The following SNCAIP variants were observed in gnomAD, a reference collection of about 807,000 sequenced individuals.
SNCAIP encodes the protein synphilin-1.
In SNCAIP, 43 loss-of-function variants were observed where a neutral mutation model predicts 86.7. That is an observed-to-expected ratio of 0.50 (90% CI 0.39 to 0.64). The LOEUF (loss-of-function observed/expected upper bound fraction) is 0.64, where lower values mean the gene tolerates loss of function less well. Among genes scored for constraint, SNCAIP ranks in the 30% least tolerant of loss-of-function variants. The pLI is 0.00. For missense variants in SNCAIP, 981 were observed against 1,103.1 expected, an observed-to-expected ratio of 0.89 and a Z score of 1.57; for synonymous variants, 417 against 427.2, an observed-to-expected ratio of 0.98 and a Z score of 0.29.
At chr5:122,385,426 A>G (rs1420354385) in intron 1 of SNCAIP, among the ~76,000 whole-genome samples, 2 of 152,168 alleles carry the variant, frequency 1.3e-5, no homozygotes, top group Non-Finnish European at 2.9e-5. Flanking sequence ...ACTGACTGCC[A>G]TGCTTCTGGC....
chr5:122,418,116 T>A (rs2152915674), intron 3 of SNCAIP, among the ~76,000 whole-genome samples: 1 of 152,250 alleles, frequency 6.6e-6, no homozygotes, highest in South Asian at 2.1e-4. Flanking sequence ...TAAGCTTAAA[T>A]GCAGGGAGAG....
intron 1 of SNCAIP, among the ~76,000 whole-genome samples, chr5:122,364,912 T>A (rs1158211359): frequency 2.0e-5 from 3 of 152,194 alleles, no homozygotes; most frequent in African/African-American, 7.2e-5. Flanking sequence ...TAATCCTAAA[T>A]TTTTAAAATA....
At chr5:122,398,442 G>C (rs1771085734) in intron 2 of SNCAIP, among the ~76,000 whole-genome samples, 1 of 152,150 alleles carries the variant, frequency 6.6e-6, no homozygotes, top group South Asian at 2.1e-4. Context: ...CTTTAGAGGG[G>C]AGGCTAAAAT....
chr5:122,424,803 A>G (rs1777046204), intron 4 of SNCAIP, among the ~76,000 whole-genome samples: 1 of 152,284 alleles, frequency 6.6e-6, no homozygotes, highest in South Asian at 2.1e-4. Flanking sequence ...TTCACTAGAG[A>G]TGAGAAACCA....
chr5:122,377,175 A>G (rs1378911227), intron 1 of SNCAIP, among the ~76,000 whole-genome samples: 1 of 152,128 alleles, frequency 6.6e-6, no homozygotes, highest in Non-Finnish European at 1.5e-5. Context: ...CTCTTCACCA[A>G]GTTAGAAATT....
intron 7 of SNCAIP, 43 bp from the exon 8 acceptor site, chr5:122,444,520 G>A (rs906614048): frequency 7.7e-6 from 12 of 1,563,030 alleles, no homozygotes; most frequent in Middle Eastern, 1.7e-4. Context: ...AAAATAATGT[G>A]TACAGAGATG....
In SNCAIP at chr5:122,360,203, T is replaced by C. The variant is rs1001338794; in HGVS notation, c.-46-30886T>C. Among the ~76,000 whole-genome samples, 86 of 152,330 alleles carry C rather than the reference T, an allele frequency of 5.6e-4. 1 individual carries two copies. The highest frequency in any genetic ancestry group is 2.0e-3 in the African/African-American group (82 of 41,572). Reference sequence around the variant, plus strand: ...AAGTATTCCTAAACGTTTCGGAACATGGCCAGCCTTTTTGCTCTAAAGATT... The same window carrying C: ...AAGTATTCCTAAACGTTTCGGAACACGGCCAGCCTTTTTGCTCTAAAGATT... On this transcript the variant is annotated intron_variant, in intron 1 of 10. Transcript: ENST00000261368.
At chr5:122,388,107 C>T (rs1045596942) in intron 1 of SNCAIP, among the ~76,000 whole-genome samples, 1 of 152,140 alleles carries the variant, frequency 6.6e-6, no homozygotes, top group African/African-American at 2.4e-5. Flanking sequence ...GCACAGGCCC[C>T]ATGGACAGGT....
At chr5:122,393,150 C>T (rs1769796516) in intron 2 of SNCAIP, among the ~76,000 whole-genome samples, 1 of 152,218 alleles carries the variant, frequency 6.6e-6, no homozygotes, top group South Asian at 2.1e-4. Flanking sequence ...TGTGTAACTG[C>T]ACCCAAAATT....
Position 122,346,680 on chromosome 5 carries a change from C to T in SNCAIP, c.-47+34396C>T, listed in dbSNP as rs575887217. On this transcript the variant is annotated intron_variant, in intron 1 of 10. Coordinates refer to ENST00000261368, the MANE Select transcript of SNCAIP (RefSeq NM_005460.4). ...TTAGGGATAAGCTAGACAGCTAAAT[C>T]GGTAGACACTTAGTATATATCTTCC... Among the ~76,000 whole-genome samples the T allele has an allele frequency of 8.6e-5, 13 of 151,896 alleles. No homozygotes were observed. In the East Asian group the frequency reaches 1.7e-3, roughly 20 times the overall value.
intron 1 of SNCAIP, among the ~76,000 whole-genome samples, chr5:122,382,500 A>G (rs1435825265): frequency 3.9e-5 from 6 of 152,222 alleles, no homozygotes; most frequent in African/African-American, 1.4e-4. Context: ...GTCCTCCCGT[A>G]GCTCAGAGTA....
At chr5:122,424,091 G>A (rs1776919306) in intron 4 of SNCAIP, among the ~76,000 whole-genome samples, 2 of 152,194 alleles carry the variant, frequency 1.3e-5, no homozygotes, top group South Asian at 2.1e-4. Context: ...CTATTTGTGA[G>A]GATGTCAATT....
chr5:122,450,581 T>G lies in SNCAIP; in HGVS notation c.1734T>G (p.Asp578Glu), dbSNP rs753790430. 3 of 1,614,106 alleles carry G rather than the reference T, an allele frequency of 1.9e-6. No individual in the cohort carries two copies. The highest frequency in any genetic ancestry group is 1.7e-6 in the Non-Finnish European group (2 of 1,179,982). ...GAAAGTCCCAGTGGAAATCTCCAGA[T>G]GCAGATGATGATTCTGTAGCCAAAA... is the stretch of plus-strand genomic sequence containing the variant. ...ASRKSQWKSP[D>E]ADDDSVAKSK... is the part of the protein sequence containing the mutation. Residue 578 changes from aspartate to glutamate, a missense_variant, in exon 10 of 11, where the codon GAT (aspartate) becomes GAG (glutamate). By Grantham distance (45) the Asp-to-Glu change is conservative (BLOSUM62 2). Coordinates refer to ENST00000261368, the MANE Select transcript of SNCAIP (RefSeq NM_005460.4).
intron 10 of SNCAIP, among the ~76,000 whole-genome samples, chr5:122,463,060 G>A (rs1310591012): frequency 1.3e-5 from 2 of 152,114 alleles, no homozygotes; most frequent in African/African-American, 4.8e-5. Context: ...ACACCAAAAA[G>A]CATTCTTCTT....
At chr5:122,406,719 A>G (rs1424938791) in intron 3 of SNCAIP, among the ~76,000 whole-genome samples, 1 of 152,090 alleles carries the variant, frequency 6.6e-6, no homozygotes, top group Non-Finnish European at 1.5e-5. Flanking sequence ...CGTCTGCCAT[A>G]ATTGGAAGCT....
Position 122,405,745 on chromosome 5 carries a change from C to T in SNCAIP, c.130+1880C>T, listed in dbSNP as rs184575158. Among the ~76,000 whole-genome samples, 31 of 152,090 alleles carry T rather than the reference C, an allele frequency of 2.0e-4. No individual in the cohort carries two copies. In the East Asian group the frequency reaches 4.6e-3, roughly 23 times the overall value. On this transcript the variant is annotated intron_variant, in intron 3 of 10. Coordinates refer to ENST00000261368, the MANE Select transcript of SNCAIP (RefSeq NM_005460.4). ...CTGATTAAGTTTAAATTATTTTTTC[C>T]GTTAAATGGTGACTCTTACCAAGTT...
chr5:122,389,012 C>G (rs1020574468), intron 1 of SNCAIP: 5 of 152,194 alleles, frequency 3.3e-5, no homozygotes, highest in African/African-American at 1.2e-4. Flanking sequence ...AATAAAGAAC[C>G]TCACTACCAT....
chr5:122,343,482 A>T (rs1170299651), intron 1 of SNCAIP, among the ~76,000 whole-genome samples: 1 of 152,236 alleles, frequency 6.6e-6, no homozygotes, highest in Non-Finnish European at 1.5e-5. Flanking sequence ...AGTTTTTCTT[A>T]AAACTGAAAT....
At chr5:122,418,915 C>G (rs1250902557) in intron 3 of SNCAIP, among the ~76,000 whole-genome samples, 2 of 152,116 alleles carry the variant, frequency 1.3e-5, no homozygotes, top group Non-Finnish European at 2.9e-5. Flanking sequence ...CCAGGAAAAC[C>G]TTGCAGAGAC....
Sources: allele counts gnomAD v4.1 joint callset (sites outside exome capture counted in the v4.1 genomes callset), GRCh38; gene constraint gnomAD v4.1.1; transcripts MANE v1.5; gene names NCBI Gene and HGNC (gene_info 2026-07-23, HGNC 2026-07-21).